The following FRMD3 variants were observed in gnomAD, a reference collection of about 807,000 sequenced individuals.
The protein encoded by FRMD3 is FERM domain-containing protein 3.
FRMD3 carries 33 observed loss-of-function variants against 70.2 expected under a neutral mutation model. The observed-to-expected ratio is 0.47, with a 90% CI of 0.36 to 0.63. FRMD3 has a LOEUF of 0.63. Ranked by LOEUF, FRMD3 falls within the 20% of genes least tolerant of loss-of-function variation. The probability of loss-of-function intolerance (pLI) is 0.00; values close to 1 mark genes in which losing one functional copy is unlikely to be tolerated. For synonymous variants in FRMD3, 279 were observed against 255.9 expected, an observed-to-expected ratio of 1.09 and a Z score of -0.86; for missense variants, 632 against 711.4, an observed-to-expected ratio of 0.89 and a Z score of 1.27.
At chr9:83,310,792 C>G (rs940625788) in intron 8 of FRMD3, among the ~76,000 whole-genome samples, 4 of 152,186 alleles carry the variant, frequency 2.6e-5, no homozygotes, top group African/African-American at 9.7e-5. Flanking sequence ...CAGGCTGCAT[C>G]GTTCTTCCAA....
upstream of FRMD3, chr9:83,538,593 G>A (rs945109869): frequency 3.4e-5 from 6 of 175,746 alleles, no homozygotes; most frequent in Non-Finnish European, 7.2e-5. This position sits in a 1 kb window ranked among gnomAD's most constrained non-coding sequence, Gnocchi z 4.7. Flanking sequence ...AGGAGGCGGA[G>A]GGATGGCTGG....
chr9:83,397,963 G>T (rs1233205577), intron 1 of FRMD3, among the ~76,000 whole-genome samples: 2 of 152,172 alleles, frequency 1.3e-5, no homozygotes, highest in African/African-American at 2.4e-5. Context: ...TAAGGGCCTT[G>T]ATTCATTTAC....
At chr9:83,559,854 T>C in the FRMD3 span, among the ~76,000 whole-genome samples, 1 of 151,918 alleles carries the variant, frequency 6.6e-6, no homozygotes, top group South Asian at 2.1e-4. Flanking sequence ...AAATTAAAAA[T>C]ATTTTATTTA....
rs763907705 is a variant in FRMD3, at chr9:83,248,287, C to G, written c.1425G>C (p.Leu475Phe). The change falls in exon 14 of 14, where the codon TTG becomes TTC. Residue 475 changes from leucine to phenylalanine, a missense_variant. By Grantham distance (22) the Leu-to-Phe change is conservative. Around this residue, in one of 3 missense-constraint regions of FRMD3, gnomAD observed 418 missense variants for 442.1 expected, o/e 0.95. Coordinates refer to ENST00000304195, the MANE Select transcript of FRMD3 (RefSeq NM_174938.6). The part of the protein sequence containing the change: ...MLFDCPSRLE[L>F]EREDTDSFED... ...CAAATGAATCTGTGTCTTCTCTTTC[C>G]AACTCAAGCCTAGAAGGACAGTCAA... The G allele has an allele frequency of 1.2e-6, 2 of 1,614,176 alleles. No individual in the cohort carries two copies. The highest frequency in any genetic ancestry group is 1.7e-6 in the Non-Finnish European group (2 of 1,180,028).
chr9:83,341,026 A>G (rs945707265), intron 5 of FRMD3, among the ~76,000 whole-genome samples: 3 of 152,124 alleles, frequency 2.0e-5, no homozygotes, highest in African/African-American at 7.2e-5. Flanking sequence ...CATCTTCCCT[A>G]TTACTCTGTA....
intron 3 of FRMD3, 29 bp downstream of exon 3, chr9:83,372,884 C>G: frequency 6.3e-7 from 1 of 1,593,878 alleles, no homozygotes; most frequent in Non-Finnish European, 8.6e-7. Flanking sequence ...CACATTGTAG[C>G]AAAAGTAAAG....
At chr9:83,347,729 T>G (rs1225331032) in intron 4 of FRMD3, among the ~76,000 whole-genome samples, 2 of 152,228 alleles carry the variant, frequency 1.3e-5, no homozygotes, top group Non-Finnish European at 2.9e-5. Flanking sequence ...AGATTAATCT[T>G]ATAATAAAAT....
chr9:83,398,177 C>T (rs1297765200), intron 1 of FRMD3, among the ~76,000 whole-genome samples: 1 of 152,188 alleles, frequency 6.6e-6, no homozygotes, highest in African/African-American at 2.4e-5. Flanking sequence ...TTAGGGACCA[C>T]AGCTTTAACA....
intron 1 of FRMD3, among the ~76,000 whole-genome samples, chr9:83,463,726 C>T (rs1315614950): frequency 6.6e-6 from 1 of 152,172 alleles, no homozygotes; most frequent in Non-Finnish European, 1.5e-5. Context: ...CTCTGCCCAC[C>T]CCACATTCAG....
intron 1 of FRMD3, among the ~76,000 whole-genome samples, chr9:83,525,835 C>T (rs1829673300): frequency 6.6e-6 from 1 of 152,138 alleles, no homozygotes; most frequent in South Asian, 2.1e-4. Context: ...CGATCAAGTA[C>T]TATTGGAAAG....
At chr9:83,278,455 GC>G (rs1298377390) in intron 13 of FRMD3, among the ~76,000 whole-genome samples, 1 of 152,186 alleles carries the variant, frequency 6.6e-6, no homozygotes, top group Non-Finnish European at 1.5e-5. Context: ...GAGATGAGGG[GC>G]TGCACATGGC....
chr9:83,256,100 A>C (rs1334897530), intron 13 of FRMD3, among the ~76,000 whole-genome samples: 2 of 152,232 alleles, frequency 1.3e-5, no homozygotes, highest in Non-Finnish European at 2.9e-5. Flanking sequence ...TGGAGGCATC[A>C]TGCTACCTGA....
downstream of FRMD3, chr9:83,243,209 A>G: frequency 2.6e-6 from 4 of 1,550,382 alleles, no homozygotes; most frequent in Non-Finnish European, 3.5e-6. Context: ...TGTTTACTGC[A>G]TGGAGACTGG....
At chr9:83,458,198 A>C (rs1827876616) in intron 1 of FRMD3, among the ~76,000 whole-genome samples, 1 of 152,182 alleles carries the variant, frequency 6.6e-6, no homozygotes, top group African/African-American at 2.4e-5. Context: ...ATAGATGATA[A>C]GTGGCTTTTC....
chr9:83,544,386 A>G, the FRMD3 span, among the ~76,000 whole-genome samples: 1 of 152,170 alleles, frequency 6.6e-6, no homozygotes, highest in African/African-American at 2.4e-5. Context: ...GGGTTATCCA[A>G]GAACAAGCCT....
chr9:83,554,214 T>G, the FRMD3 span, among the ~76,000 whole-genome samples: 1 of 152,210 alleles, frequency 6.6e-6, no homozygotes, highest in Non-Finnish European at 1.5e-5. Context: ...TGCTTAATTG[T>G]GTGGCTCCCC....
At chr9:83,541,732 A>G (rs1371496894), upstream of FRMD3, among the ~76,000 whole-genome samples, 1 of 152,174 alleles carries the variant, frequency 6.6e-6, no homozygotes, top group African/African-American at 2.4e-5. Flanking sequence ...TGGTACAATC[A>G]TAAGCAGTGG....
chr9:83,384,494 T>C (rs1305053441), intron 2 of FRMD3, among the ~76,000 whole-genome samples: 2 of 152,182 alleles, frequency 1.3e-5, no homozygotes, highest in Admixed American at 6.5e-5. Flanking sequence ...CAAATTGCTC[T>C]AACATAGACA....
chr9:83,432,008 G>A (rs1445495259), intron 1 of FRMD3, among the ~76,000 whole-genome samples: 2 of 152,134 alleles, frequency 1.3e-5, no homozygotes, highest in African/African-American at 2.4e-5. Flanking sequence ...GCAGCTCGAG[G>A]CATAGACAAT....
Sources: gnomAD v4.1 joint callset for allele counts (sites outside exome capture counted in the v4.1 genomes callset) on GRCh38, gnomAD v4.1.1 for gene constraint, gnomAD v4.1.1 regional missense constraint, Gnocchi (gnomAD v3.1) non-coding constraint, MANE v1.5 for transcripts, NCBI Gene and HGNC (gene_info 2026-07-23, HGNC 2026-07-21) for gene names.